TBC1D10A: variants seen among roughly 807,000 people sequenced by gnomAD.
TBC1D10A encodes the protein TBC1 domain family member 10A.
Under a neutral mutation model 52.9 loss-of-function variants are expected in TBC1D10A, and 24 were observed. The observed-to-expected ratio is 0.45, with a 90% CI of 0.33 to 0.64. TBC1D10A has a LOEUF of 0.64. Ranked by LOEUF, TBC1D10A falls within the 30% of genes least tolerant of loss-of-function variation. TBC1D10A has a pLI of 0.02. For missense variants in TBC1D10A, 602 were observed against 687.9 expected (o/e 0.88, Z 1.40); for synonymous variants, 278 against 282.9 (o/e 0.98, Z 0.17).
At chr22:30,318,379 C>G in intron 1 of TBC1D10A, among the ~76,000 whole-genome samples, 1 of 152,296 alleles carries the variant, frequency 6.6e-6, no homozygotes, top group Middle Eastern at 3.4e-3. Flanking sequence ...CAGGCAGAGA[C>G]CAGGAAGCTC....
intron 1 of TBC1D10A, among the ~76,000 whole-genome samples, chr22:30,305,998 G>A (rs557909115): frequency 7.9e-5 from 12 of 152,254 alleles, no homozygotes; most frequent in African/African-American, 1.9e-4. Flanking sequence ...CAAGGACCAC[G>A]CCTTTACAAA....
chr22:30,322,604 T>C (rs1230620945), intron 1 of TBC1D10A, among the ~76,000 whole-genome samples: 1 of 131,854 alleles, frequency 7.6e-6, no homozygotes, highest in Non-Finnish European at 1.6e-5. Flanking sequence ...TTTTTTTTTT[T>C]TTTTTTTTTT....
chr22:30,299,420 C>T (rs1446618227), intron 3 of TBC1D10A, 24 bp downstream of exon 3: 7 of 1,608,802 alleles, frequency 4.4e-6, no homozygotes, highest in Admixed American at 1.7e-5. Context: ...GAAGGGAGGG[C>T]AGGGCAAAGG....
At chr22:30,317,513 TCTCCG>T (rs1930564263) in intron 1 of TBC1D10A, among the ~76,000 whole-genome samples, 1 of 152,058 alleles carries the variant, frequency 6.6e-6, no homozygotes, top group Non-Finnish European at 1.5e-5. Context: ...GGTCTCCAGA[TCTCCG>T]TTCAGCAGTA....
rs1930038848 is a variant in TBC1D10A at position 30,294,859 on chromosome 22, T to C, written c.642A>G (p.Gln214=). ...AVLLMHMPAE[Q]AFWCLVQICE... ...AGATCTGTACCAGGCACCAGAAGGCTTGCTGTGGGCAAGAGAGATGTGAGG... is the reference window on the plus strand; with the variant it reads ...AGATCTGTACCAGGCACCAGAAGGCCTGCTGTGGGCAAGAGAGATGTGAGG... The change falls in exon 6 of 9, where the codon CAA becomes CAG. Residue 214 remains glutamine (Q), a splice_region_variant and synonymous_variant. Transcript: ENST00000215790. 9 of 1,613,998 alleles carry C rather than the reference T, an allele frequency of 5.6e-6. No homozygotes were observed. The Admixed American group carries it at 1.5e-4, about 27-fold the overall frequency.
chr22:30,292,336 T>C lies in TBC1D10A; in HGVS notation c.*39A>G. On this transcript the variant is annotated 3_prime_UTR_variant, in exon 9 of 9. Coordinates refer to ENST00000215790, the MANE Select transcript of TBC1D10A (RefSeq NM_031937.3). ...AATGTCAGTTCATGAACCGTGTAGT[T>C]ATATGGAGACCCCGCCCTGGAGGCC... is the stretch of plus-strand genomic sequence containing the variant. The C allele has an allele frequency of 1.3e-6, 2 of 1,499,264 alleles. No homozygotes were observed. Among genetic ancestry groups the C allele is most frequent in the Non-Finnish European group, 1.8e-6 (2 of 1,117,050 alleles). 92.9% of individuals were successfully genotyped at this position (1,499,264 alleles called of 1,614,324 possible). A position where few individuals can be genotyped will look rare whatever the true frequency, so the allele number is the denominator to read the frequency against.
chr22:30,304,521 G>T lies in TBC1D10A; in HGVS notation c.309+10C>A. On this transcript the variant is annotated intron_variant, in intron 2 of 8. Transcript: ENST00000215790. ...ACTCCCAGCCCAATACCTGAGGCCA[G>T]GCCCCTCACCTTTTTGTGCTTCTTG... is the stretch of plus-strand genomic sequence containing the variant. 4 of 1,614,084 alleles carry T rather than the reference G, an allele frequency of 2.5e-6. No homozygotes were observed. Among genetic ancestry groups the T allele is most frequent in the Non-Finnish European group, 3.4e-6 (4 of 1,179,976 alleles).
rs148717099 is a variant in TBC1D10A, at chr22:30,313,256, A to T, written c.210-8626T>A. Among the ~76,000 whole-genome samples, 845 of 151,434 alleles carry T rather than the reference A, an allele frequency of 5.6e-3. 9 individuals carry two copies. Among genetic ancestry groups the T allele is most frequent in the Non-Finnish European group, 7.1e-3 (480 of 67,838 alleles). On this transcript the variant is annotated intron_variant, in intron 1 of 8. Coordinates refer to ENST00000215790, the MANE Select transcript of TBC1D10A (RefSeq NM_031937.3). ...TCTGCAGAGGCAGCATTTCATGAGA[A>T]GGCGCGTTCCTGGAGGGCAGGGGCT...
intron 1 of TBC1D10A, among the ~76,000 whole-genome samples, chr22:30,321,017 T>C (rs1930641031): frequency 1.3e-5 from 2 of 152,290 alleles, no homozygotes; most frequent in East Asian, 1.9e-4. Flanking sequence ...GAGGTCCTGT[T>C]TCAGGCCCAG....
At position 30,295,034 on chromosome 22, in the gene TBC1D10A, C is replaced by T. The variant is rs779904227; in HGVS notation, c.546G>A (p.Val182=). 45 of 1,613,884 alleles carry T rather than the reference C, an allele frequency of 2.8e-5. No individual in the cohort carries two copies. The highest frequency in any genetic ancestry group is 3.6e-5 in the Non-Finnish European group (42 of 1,180,036). ...GCCGGTACAGCGTGTAGGCCTTCAG[C>T]ACACGGAATAGGTCCTGCTGGCTGT... ...GGHGQQDLFR[V]LKAYTLYRPE... is the part of the protein sequence containing the mutation. The change falls in exon 5 of 9, where the codon GTG becomes GTA. Residue 182 remains valine, a synonymous_variant. Coordinates refer to ENST00000215790, the MANE Select transcript of TBC1D10A (RefSeq NM_031937.3).
At chr22:30,316,644 TG>T (rs1264250435) in intron 1 of TBC1D10A, among the ~76,000 whole-genome samples, 1 of 152,000 alleles carries the variant, frequency 6.6e-6, no homozygotes, top group African/African-American at 2.4e-5. Flanking sequence ...GATGTAGAGA[TG>T]GGGTCTCCCT....
chr22:30,324,023 G>A (rs1365612379), intron 1 of TBC1D10A, among the ~76,000 whole-genome samples: 2 of 152,118 alleles, frequency 1.3e-5, no homozygotes, highest in Admixed American at 6.5e-5. Flanking sequence ...ATCTACTCAT[G>A]CCATGTAGCT....
chr22:30,319,349 T>A (rs1423619420), intron 1 of TBC1D10A, among the ~76,000 whole-genome samples: 1 of 152,220 alleles, frequency 6.6e-6, no homozygotes, highest in Admixed American at 6.5e-5. Context: ...TTGAGGGCAA[T>A]AAAACACAGA....
intron 1 of TBC1D10A, chr22:30,318,609 G>C: frequency 4.2e-6 from 2 of 471,098 alleles, no homozygotes; most frequent in Non-Finnish European, 8.8e-6. Flanking sequence ...GCTCCAGAAT[G>C]GACTCTGTAA....
intron 1 of TBC1D10A, among the ~76,000 whole-genome samples, chr22:30,308,324 A>ATGCCTGCCTGCCTGCATGCCTGCCTGCC (rs141019001): frequency 6.8e-6 from 1 of 147,764 alleles, no homozygotes; most frequent in Admixed American, 6.7e-5. Flanking sequence ...GCATGCCTGC[A>ATGCCTGCCTGCCTGCATGCCTGCCTGCC]TGCCTGCATG....
chr22:30,318,417 A>G (rs1186554207), intron 1 of TBC1D10A, among the ~76,000 whole-genome samples: 3 of 152,020 alleles, frequency 2.0e-5, no homozygotes, highest in Non-Finnish European at 4.4e-5. Flanking sequence ...TCCTTCCCCA[A>G]CCAGGTCAGC....
At chr22:30,294,502 A>G (rs1461642357) in intron 6 of TBC1D10A, among the ~76,000 whole-genome samples, 1 of 152,176 alleles carries the variant, frequency 6.6e-6, no homozygotes, top group Non-Finnish European at 1.5e-5. Flanking sequence ...GCTTCCAAGC[A>G]GATTTTAGCC....
At position 30,304,650 on chromosome 22, in the gene TBC1D10A, G is replaced by A. The variant is rs761492063; in HGVS notation, c.210-20C>T. On this transcript the variant is annotated intron_variant, in intron 1 of 8. Transcript: ENST00000215790. ...TCCAGCCTGTGGAGCAGAGGGCAGGGCCTGTGAGAGGTGCCAAGGGAAGCA... is the reference window on the plus strand; with the variant it reads ...TCCAGCCTGTGGAGCAGAGGGCAGGACCTGTGAGAGGTGCCAAGGGAAGCA... The A allele has an allele frequency of 3.7e-6, 6 of 1,611,792 alleles. No homozygotes were observed. In the East Asian group the frequency reaches 1.3e-4, roughly 36 times the overall value.
At chr22:30,314,684 T>C (rs945583297) in intron 1 of TBC1D10A, among the ~76,000 whole-genome samples, 1 of 151,964 alleles carries the variant, frequency 6.6e-6, no homozygotes, top group Non-Finnish European at 1.5e-5. Flanking sequence ...TAGTGCTGCA[T>C]GTCTGTAGTC....
Sources: allele counts gnomAD v4.1 joint callset (sites outside exome capture counted in the v4.1 genomes callset), GRCh38; gene constraint gnomAD v4.1.1; transcripts MANE v1.5; gene names NCBI Gene and HGNC (gene_info 2026-07-23, HGNC 2026-07-21).